ARHGAP12: variants seen among roughly 807,000 people sequenced by gnomAD.
ARHGAP12 encodes rho GTPase-activating protein 12.
A neutral mutation model predicts 108.6 loss-of-function variants in ARHGAP12; 64 were observed. That is an observed-to-expected ratio of 0.59 (90% confidence interval 0.48 to 0.73). The LOEUF (loss-of-function observed/expected upper bound fraction) is 0.73. ARHGAP12 is among the 30% of genes least tolerant of loss of function. ARHGAP12 has a pLI of 0.00. For synonymous variants in ARHGAP12, 312 were observed against 337.2 expected (o/e 0.93, Z 0.82); for missense variants, 940 against 1,005.9 (o/e 0.93, Z 0.89).
chr10:31,873,803 A>G (rs567291367), intron 3 of ARHGAP12, among the ~76,000 whole-genome samples: 61 of 152,368 alleles, frequency 4.0e-4, no homozygotes, highest in Admixed American at 1.6e-3. Context: ...CTCATTATTA[A>G]TTTGTGTTAA....
intron 3 of ARHGAP12, among the ~76,000 whole-genome samples, chr10:31,872,781 C>T (rs116552824): frequency 1.9e-3 from 290 of 152,300 alleles, no homozygotes; most frequent in African/African-American, 6.5e-3. Context: ...AGAACTGTGG[C>T]TCTTAAGTAC....
intron 5 of ARHGAP12, among the ~76,000 whole-genome samples, chr10:31,852,987 C>G (rs1592290394): frequency 6.6e-6 from 1 of 152,210 alleles, no homozygotes; most frequent in East Asian, 1.9e-4. Flanking sequence ...CTCGGCCTCC[C>G]AAAGTGCTGG....
In ARHGAP12 at chr10:31,856,653, G is replaced by A. The variant is rs1398708361; in HGVS notation, c.949-2447C>T. ...ATATTCATAGTTTCTCTAGGCATCC[G>A]TCAGAAGAGACTCACCTCTGAAGGA... On this transcript the variant is annotated intron_variant, in intron 4 of 19. Coordinates refer to ENST00000344936, the MANE Select transcript of ARHGAP12 (RefSeq NM_018287.7). Among the ~76,000 whole-genome samples, 5 of 152,080 alleles carry A rather than the reference G, an allele frequency of 3.3e-5. No individual in the cohort carries two copies. In the South Asian group the frequency reaches 6.2e-4, roughly 19 times the overall value.
At position 31,809,270 on chromosome 10, in the gene ARHGAP12, G is replaced by T; in HGVS notation, c.2088C>A (p.Asn696Lys). 1 of 1,613,894 alleles carries T rather than the reference G, an allele frequency of 6.2e-7. No individual in the cohort carries two copies. Among genetic ancestry groups the T allele is most frequent in the South Asian group, 1.1e-5 (1 of 91,082 alleles). Residue 696 changes from asparagine to lysine, a missense_variant, in exon 17 of 20, where the codon AAC (asparagine) becomes AAA (lysine). Coordinates refer to ENST00000344936, the MANE Select transcript of ARHGAP12 (RefSeq NM_018287.7). ...ACCTTAGTTTCTGGATCACTGCGAG[G>T]TTGCCACTTACTCTGTATATCCCAT... ...DIDGIYRVSG[N>K]LAVIQKLRFA... is the part of the protein sequence containing the mutation.
intron 3 of ARHGAP12, among the ~76,000 whole-genome samples, chr10:31,876,106 T>C (rs1837722045): frequency 6.6e-6 from 1 of 152,230 alleles, no homozygotes; most frequent in Non-Finnish European, 1.5e-5. Context: ...ATGAACATGG[T>C]GTACAAACAC....
chr10:31,838,177 T>C (rs1039227589), intron 9 of ARHGAP12, among the ~76,000 whole-genome samples: 1 of 152,098 alleles, frequency 6.6e-6, no homozygotes, highest in Non-Finnish European at 1.5e-5. Context: ...GGCAAAGATG[T>C]CGGGGAGAAT....
intron 2 of ARHGAP12, among the ~76,000 whole-genome samples, chr10:31,909,596 T>C (rs367898670): frequency 3.3e-5 from 5 of 152,296 alleles, no homozygotes; most frequent in African/African-American, 1.2e-4. Context: ...GACTGGTGCC[T>C]TTATAAGTAG....
chr10:31,807,977 G>T, intron 19 of ARHGAP12, 145 bp from the exon 20 acceptor site: 1 of 517,452 alleles, frequency 1.9e-6, no homozygotes, highest in Non-Finnish European at 3.1e-6. Flanking sequence ...ATTTAACCAA[G>T]TAGAATTCTG....
chr10:31,926,293 A>G (rs150437864), intron 1 of ARHGAP12, among the ~76,000 whole-genome samples: 382 of 152,116 alleles, frequency 2.5e-3, no homozygotes, highest in African/African-American at 8.9e-3. Flanking sequence ...TGGCTGAATC[A>G]CAGCAAAGCC....
In ARHGAP12 at chr10:31,808,746, C is replaced by T; in HGVS notation, c.2269G>A (p.Glu757Lys). Residue 757 changes from glutamate to lysine, a missense_variant, in exon 19 of 20, where the codon GAA (glutamate) becomes AAA (lysine). Physicochemically the swap from Glu to Lys is moderately conservative, Grantham distance 56. Transcript: ENST00000344936. ...ACAGCAGCGACTCGCTGTCTTGGTT[C>T]TTGCTCTGAAAAAAGATAATAACCA... is the stretch of plus-strand genomic sequence containing the variant. The part of the protein sequence containing the change: ...FNDFVNAIKQ[E>K]PRQRVAAVKD... 1 of 1,612,870 alleles carries T rather than the reference C, an allele frequency of 6.2e-7. No homozygotes were observed. Among genetic ancestry groups the T allele is most frequent in the Non-Finnish European group, 8.5e-7 (1 of 1,179,494 alleles).
intron 3 of ARHGAP12, among the ~76,000 whole-genome samples, chr10:31,881,598 CT>C (rs1219577215): frequency 6.6e-6 from 1 of 152,174 alleles, no homozygotes; most frequent in Non-Finnish European, 1.5e-5. Context: ...ACTTGACTGA[CT>C]TATCTTGCCA....
chr10:31,833,302 C>A (rs1242390917), intron 9 of ARHGAP12, among the ~76,000 whole-genome samples: 1 of 149,044 alleles, frequency 6.7e-6, no homozygotes, highest in African/African-American at 2.5e-5. Flanking sequence ...GGAATTAAGC[C>A]CATTTTAAAA....
At position 31,837,918 on chromosome 10, in the gene ARHGAP12, G is replaced by C. The variant is rs531862960; in HGVS notation, c.1386+1387C>G. Among the ~76,000 whole-genome samples the C allele has an allele frequency of 6.6e-5, 10 of 152,280 alleles. No homozygotes were observed. In the South Asian group the frequency reaches 2.1e-3, roughly 32 times the overall value. The stretch of plus-strand genomic sequence containing the variant: ...ATTATATGGCACTGTGGGAGGTAAT[G>C]GGGTAACTCTGTTCCTGCTCTAATG... On this transcript the variant is annotated intron_variant, in intron 9 of 19. Coordinates refer to ENST00000344936, the MANE Select transcript of ARHGAP12 (RefSeq NM_018287.7).
intron 3 of ARHGAP12, among the ~76,000 whole-genome samples, chr10:31,872,314 C>T (rs932971907): frequency 9.9e-5 from 15 of 152,276 alleles, no homozygotes; most frequent in Non-Finnish European, 1.2e-4. Context: ...CTCCTCTCCC[C>T]GAGCTACCGA....
At position 31,839,646 on chromosome 10, in the gene ARHGAP12, G is replaced by A. The variant is rs1836177032; in HGVS notation, c.1362C>T (p.His454=). ...ENESSPSSPK[H]QDTASSPKDQ... is the part of the protein sequence containing the mutation. ...CTTCTATCATACTAACTGTATCTTG[G>A]TGCTTTGGTGAGGAGGGAGAAGACT... Residue 454 remains histidine, a synonymous_variant, in exon 8 of 20, where the codon CAC becomes CAT. Coordinates refer to ENST00000344936, the MANE Select transcript of ARHGAP12 (RefSeq NM_018287.7). The A allele has an allele frequency of 6.2e-7, 1 of 1,605,292 alleles. No homozygotes were observed. The highest frequency in any genetic ancestry group is 8.5e-7 in the Non-Finnish European group (1 of 1,173,822).
intron 3 of ARHGAP12, among the ~76,000 whole-genome samples, chr10:31,896,647 T>C (rs1838711252): frequency 6.6e-6 from 1 of 152,164 alleles, no homozygotes; most frequent in Non-Finnish European, 1.5e-5. Context: ...CAGCAAAGTA[T>C]ATGGTTCTTA....
At chr10:31,831,126 T>C (rs1371806860) in intron 10 of ARHGAP12, among the ~76,000 whole-genome samples, 1 of 152,192 alleles carries the variant, frequency 6.6e-6, no homozygotes, top group Non-Finnish European at 1.5e-5. Context: ...AACTGACATG[T>C]CTACCAATAG....
intron 10 of ARHGAP12, chr10:31,826,921 A>G (rs1276003880): frequency 1.3e-5 from 2 of 152,274 alleles, no homozygotes; most frequent in African/African-American, 2.4e-5. Context: ...CACGACATTT[A>G]AAAACAAAAT....
In ARHGAP12 at chr10:31,814,319, A is replaced by T; in HGVS notation, c.1774T>A (p.Ser592Thr). ...DEGIEEEIPD[S>T]PGIEKHDKEK... ...TTATCATGCTTTTCTATTCCTGGTG[A>T]ATCCGGTATCTCCTCTTCAATTCCT... Residue 592 changes from serine (S) to threonine (T), a missense_variant, in exon 14 of 20, where the codon TCA (serine) becomes ACA (threonine). Physicochemically the swap from Ser to Thr is moderately conservative, Grantham distance 58 (BLOSUM62 1). Transcript: ENST00000344936. The T allele has an allele frequency of 6.2e-7, 1 of 1,614,076 alleles. No homozygotes were observed. The highest frequency in any genetic ancestry group is 8.5e-7 in the Non-Finnish European group (1 of 1,179,988).
Sources: allele counts gnomAD v4.1 joint callset (sites outside exome capture counted in the v4.1 genomes callset), GRCh38; gene constraint gnomAD v4.1.1; transcripts MANE v1.5; gene names NCBI Gene and HGNC (gene_info 2026-07-23, HGNC 2026-07-21).